Variants in PHF21B observed in about 807,000 individuals in gnomAD.
PHF21B encodes PHD finger protein 21B, also known as PHD finger protein 4.
PHF21B carries 22 observed loss-of-function variants against 62.2 expected under a neutral mutation model. That is an observed-to-expected ratio of 0.35 (90% confidence interval 0.25 to 0.51). The LOEUF is 0.51. PHF21B is among the 20% of genes least tolerant of loss of function. The pLI is 0.97. For missense variants in PHF21B, 701 were observed against 707.9 expected (o/e 0.99, Z 0.11); for synonymous variants, 341 against 314.7 (o/e 1.08, Z -0.88).
At chr22:44,973,537 A>AG (rs2072678565) in intron 2 of PHF21B, among the ~76,000 whole-genome samples, 1 of 152,106 alleles carries the variant, frequency 6.6e-6, no homozygotes, top group South Asian at 2.1e-4. Context: ...GCTCAAGCTG[A>AG]GTGGGGGCTA....
intron 2 of PHF21B, among the ~76,000 whole-genome samples, chr22:44,926,470 A>G (rs1219531070): frequency 1.3e-5 from 2 of 152,334 alleles, no homozygotes; most frequent in Non-Finnish European, 2.9e-5. Flanking sequence ...ACCTCCAGGC[A>G]TGGGCCAGCC....
chr22:44,932,955 C>T (rs2071770263), intron 2 of PHF21B, among the ~76,000 whole-genome samples: 1 of 152,234 alleles, frequency 6.6e-6, no homozygotes, highest in Non-Finnish European at 1.5e-5. Flanking sequence ...CAGAACATTC[C>T]AGCAACCCTA....
intron 2 of PHF21B, among the ~76,000 whole-genome samples, chr22:44,986,171 G>C (rs1472930584): frequency 4.6e-5 from 5 of 109,570 alleles, no homozygotes; most frequent in African/African-American, 1.2e-4. Context: ...CCATCACCAT[G>C]AGCACCCCCA....
intron 2 of PHF21B, among the ~76,000 whole-genome samples, chr22:44,991,221 G>A (rs762328173): frequency 2.0e-5 from 3 of 152,160 alleles, no homozygotes; most frequent in Non-Finnish European, 1.5e-5. Flanking sequence ...CCTTGAGAAG[G>A]CAAAAAAGCT....
intron 2 of PHF21B, among the ~76,000 whole-genome samples, chr22:44,947,123 A>G (rs1173523781): frequency 1.3e-5 from 2 of 152,256 alleles, no homozygotes; most frequent in African/African-American, 4.8e-5. Flanking sequence ...CGTGGGTGGC[A>G]GAGCCCTTCC....
At chr22:44,927,413 G>A (rs966208167) in intron 2 of PHF21B, among the ~76,000 whole-genome samples, 8 of 152,158 alleles carry the variant, frequency 5.3e-5, no homozygotes, top group African/African-American at 1.9e-4. Flanking sequence ...GAAAGAGTGG[G>A]CTCTGCAACC....
intron 2 of PHF21B, chr22:45,001,104 C>A (rs2073209562): frequency 6.6e-6 from 1 of 152,228 alleles, no homozygotes; most frequent in South Asian, 2.1e-4. Flanking sequence ...CACCTTTTAC[C>A]CTACACCATG....
chr22:44,984,174 C>T (rs1164134349), intron 2 of PHF21B, among the ~76,000 whole-genome samples: 1 of 148,006 alleles, frequency 6.8e-6, no homozygotes, highest in Non-Finnish European at 1.5e-5. Flanking sequence ...CCATCATCAC[C>T]ATCACAACCA....
chr22:44,994,417 G>A (rs962247859), intron 2 of PHF21B, among the ~76,000 whole-genome samples: 1 of 152,224 alleles, frequency 6.6e-6, no homozygotes, highest in Non-Finnish European at 1.5e-5. Context: ...TCAAGCCAAG[G>A]ACTTCCAGAA....
intron 2 of PHF21B, chr22:45,001,179 A>C (rs527440918): frequency 6.6e-6 from 1 of 152,606 alleles, no homozygotes. Flanking sequence ...GGCAGTGTCG[A>C]CAATTCCATT....
At chr22:44,933,402 C>T (rs1048655237) in intron 2 of PHF21B, 19 of 948,986 alleles carry the variant, frequency 2.0e-5, no homozygotes, top group African/African-American at 1.8e-4. Context: ...TGAGCCACTG[C>T]GCTCGGCCTC....
At chr22:44,946,471 G>T (rs2072073880) in intron 2 of PHF21B, among the ~76,000 whole-genome samples, 1 of 152,094 alleles carries the variant, frequency 6.6e-6, no homozygotes, top group Non-Finnish European at 1.5e-5. Context: ...GAGTGGGATG[G>T]GAAAGAGGAA....
chr22:44,906,636 A>T (rs1456253695), intron 5 of PHF21B, among the ~76,000 whole-genome samples: 1 of 152,244 alleles, frequency 6.6e-6, no homozygotes, highest in Non-Finnish European at 1.5e-5. Flanking sequence ...GAGGGAGCAG[A>T]CAGCGCCCTG....
intron 2 of PHF21B, among the ~76,000 whole-genome samples, chr22:44,956,106 G>A (rs186197918): frequency 2.6e-5 from 4 of 152,346 alleles, no homozygotes; most frequent in East Asian, 1.9e-4. Flanking sequence ...CCAGCTTGAC[G>A]ACACAGCGGT....
Position 44,883,300 on chromosome 22 carries a change from C to T in PHF21B, c.1382G>A (p.Cys461Tyr). 1 of 1,613,344 alleles carries T rather than the reference C, an allele frequency of 6.2e-7. No homozygotes were observed. Among genetic ancestry groups the T allele is most frequent in the Non-Finnish European group, 8.5e-7 (1 of 1,179,756 alleles). ...DRRLASAVQK[C>Y]LELKTSLLAR... ...CAGCAGGCTTGTCTTCAACTCCAGGCATTTCTGTTGGGGAGAAGGTCAGGG... is the reference window on the plus strand; with the variant it reads ...CAGCAGGCTTGTCTTCAACTCCAGGTATTTCTGTTGGGGAGAAGGTCAGGG... Residue 461 changes from cysteine (C) to tyrosine (Y), a missense_variant, in exon 13 of 13, where the codon TGC becomes TAC. Physicochemically the swap from Cys to Tyr is radical, Grantham distance 194. Transcript: ENST00000313237.
In PHF21B at chr22:44,916,544, C is replaced by T. The variant is rs765616043; in HGVS notation, c.300G>A (p.Lys100=). 1.3e-5 allele frequency: 21 copies of T among 1,609,380 alleles called. No individual in the cohort carries two copies. The highest frequency in any genetic ancestry group is 1.8e-5 in the Non-Finnish European group (21 of 1,179,918). ...GGTTCTTGACGCTGACCACGGTGGC[C>T]TTCTGGAATGTTGGGGGCTGCTTGG... is the stretch of plus-strand genomic sequence containing the variant. The part of the protein sequence containing the change: ...RPPKQPPTFQ[K]ATVVSVKNPS... Residue 100 remains lysine, a synonymous_variant, in exon 4 of 13, where the codon AAG becomes AAA. Transcript: ENST00000313237.
At chr22:44,961,253 A>G (rs1006805641) in intron 2 of PHF21B, among the ~76,000 whole-genome samples, 3 of 152,006 alleles carry the variant, frequency 2.0e-5, no homozygotes, top group African/African-American at 7.2e-5. Context: ...CCGTGCCCAG[A>G]CTGATTTTTT....
intron 2 of PHF21B, among the ~76,000 whole-genome samples, chr22:44,960,076 C>A (rs2072387274): frequency 6.6e-6 from 1 of 152,158 alleles, no homozygotes; most frequent in Non-Finnish European, 1.5e-5. Flanking sequence ...CCTGAGCATT[C>A]CTCACTGCAC....
At chr22:44,980,183 T>C (rs912044130) in intron 2 of PHF21B, among the ~76,000 whole-genome samples, 15 of 151,576 alleles carry the variant, frequency 9.9e-5, no homozygotes, top group Admixed American at 9.9e-4. Flanking sequence ...CCCTGCCAAG[T>C]TCCAGGACAT....
Sources: allele counts gnomAD v4.1 joint callset (sites outside exome capture counted in the v4.1 genomes callset), GRCh38; gene constraint gnomAD v4.1.1; transcripts MANE v1.5; gene names NCBI Gene and HGNC (gene_info 2026-07-23, HGNC 2026-07-21).